ZNF385D: variants seen among roughly 807,000 people sequenced by gnomAD.
The protein encoded by ZNF385D is zinc finger protein 385D.
Under a neutral mutation model 35.8 loss-of-function variants are expected in ZNF385D, and 15 were observed. That is an observed-to-expected ratio of 0.42 (90% confidence interval 0.28 to 0.64). ZNF385D has a LOEUF of 0.64. Ranked by LOEUF, ZNF385D falls within the 30% of genes least tolerant of loss-of-function variation. The pLI, the probability that ZNF385D is intolerant of heterozygous loss-of-function variation, is 0.23. For missense variants in ZNF385D, 474 were observed against 494.6 expected, an observed-to-expected ratio of 0.96 and a Z score of 0.39; for synonymous variants, 212 against 186.8, an observed-to-expected ratio of 1.13 and a Z score of -1.10.
chr3:21,656,470 A>G (rs904601857), intron 2 of ZNF385D, among the ~76,000 whole-genome samples: 7 of 151,834 alleles, frequency 4.6e-5, no homozygotes, highest in Admixed American at 1.3e-4. Flanking sequence ...TTTTCCTTCA[A>G]TGCAAGTCTC....
intron 3 of ZNF385D, among the ~76,000 whole-genome samples, chr3:22,080,083 G>T (rs1272333178): frequency 2.6e-5 from 4 of 152,076 alleles, no homozygotes; most frequent in African/African-American, 9.7e-5. Context: ...AATGTTCAGG[G>T]ATCGTTTTAT....
At chr3:21,793,173 G>C (rs1026345406) in intron 3 of ZNF385D, among the ~76,000 whole-genome samples, 1 of 152,168 alleles carries the variant, frequency 6.6e-6, no homozygotes, top group African/African-American at 2.4e-5. Context: ...ATGAGGAGTT[G>C]AAAGAATAAA....
At chr3:21,895,358 C>T (rs142748615) in intron 3 of ZNF385D, among the ~76,000 whole-genome samples, 4 of 119,384 alleles carry the variant, frequency 3.4e-5, no homozygotes, top group Admixed American at 3.1e-4. Flanking sequence ...GACAGAGTCT[C>T]ACTCTGTCAC....
At chr3:22,033,907 T>A (rs6766614) in intron 3 of ZNF385D, among the ~76,000 whole-genome samples, 55,527 of 151,972 alleles carry the variant, frequency 0.37, 12,211 homozygotes, top group African/African-American at 0.62. Flanking sequence ...CTTCACCCAG[T>A]ACTTTCCTTG....
chr3:21,877,317 A>G (rs1049821920), intron 3 of ZNF385D, among the ~76,000 whole-genome samples: 4 of 152,066 alleles, frequency 2.6e-5, no homozygotes, highest in Admixed American at 6.6e-5. Context: ...GGGCCTCAAA[A>G]GCACAGTGGC....
chr3:22,167,748 C>T (rs1706430758), intron 3 of ZNF385D, among the ~76,000 whole-genome samples: 1 of 152,144 alleles, frequency 6.6e-6, no homozygotes, highest in South Asian at 2.1e-4. Context: ...TATCTTATGC[C>T]TATAGAATTT....
At chr3:22,269,992 C>T (rs536931950) in intron 2 of ZNF385D, among the ~76,000 whole-genome samples, 14 of 151,952 alleles carry the variant, frequency 9.2e-5, no homozygotes, top group Admixed American at 7.2e-4. Context: ...CTTTAATGTA[C>T]GTGTGATCAT....
At position 21,423,855 on chromosome 3, in the gene ZNF385D, G is replaced by T. The variant is rs546377480; in HGVS notation, c.954+108C>A. The T allele has an allele frequency of 1.3e-4, 128 of 992,600 alleles. 1 individual carries two copies. The East Asian group carries it at 3.6e-3, about 28-fold the overall frequency. The allele number at this position is 992,600 out of a possible 1,614,324, so 61.5% of individuals were successfully genotyped here. ...ATAAATCTGAACTCAACTCAAAAAG[G>T]TAAAAGGTACTGGGCTGTGGTTAAA... On this transcript the variant is annotated intron_variant, in intron 7 of 7. Transcript: ENST00000281523.
In ZNF385D at chr3:22,025,019, G is replaced by T. The variant is rs190800524; in HGVS notation, c.325+143798C>A. 2.8e-4 allele frequency among the ~76,000 whole-genome samples: 43 copies of T among 152,302 alleles called. No individual in the cohort carries two copies. In the East Asian group the frequency reaches 7.3e-3, roughly 26 times the overall value. On this transcript the variant is annotated intron_variant, in intron 3 of 5. Transcript: ENST00000494108. ...AGATGCGTGCGCAGCCTCACCAGGG[G>T]TCTACTGTTAAAGTGAGGGCATTGA... is the stretch of plus-strand genomic sequence containing the variant.
intron 3 of ZNF385D, among the ~76,000 whole-genome samples, chr3:21,553,056 G>C (rs2062619051): frequency 6.6e-6 from 1 of 152,102 alleles, no homozygotes; most frequent in Non-Finnish European, 1.5e-5. Flanking sequence ...TTTTGAAGAT[G>C]AAATGGGGTC....
At position 21,490,355 on chromosome 3, in the gene ZNF385D, C is replaced by T. The variant is rs138451662; in HGVS notation, c.439+20506G>A. The stretch of plus-strand genomic sequence containing the variant: ...TCTTCTTTTGCTCTTGCTGTTATTC[C>T]AATCCAAAAAAAAATTTTCAAATAA... On this transcript the variant is annotated intron_variant, in intron 4 of 7. Transcript: ENST00000281523. 2.8e-4 allele frequency among the ~76,000 whole-genome samples: 42 copies of T among 151,894 alleles called. No homozygotes were observed. In the East Asian group the frequency reaches 8.1e-3, roughly 29 times the overall value.
chr3:21,571,345 A>G (rs1009079297), intron 2 of ZNF385D, among the ~76,000 whole-genome samples: 22 of 152,160 alleles, frequency 1.4e-4, no homozygotes, highest in African/African-American at 4.8e-4. Flanking sequence ...ATTTTTGCCA[A>G]TTCTACTGTT....
intron 2 of ZNF385D, among the ~76,000 whole-genome samples, chr3:22,186,189 A>G (rs922890158): frequency 1.3e-5 from 2 of 152,180 alleles, no homozygotes; most frequent in Admixed American, 1.3e-4. Flanking sequence ...TCAAAATAAG[A>G]AAGGTCTCTG....
intron 2 of ZNF385D, among the ~76,000 whole-genome samples, chr3:22,307,386 G>C (rs960154628): frequency 3.3e-5 from 5 of 152,270 alleles, no homozygotes; most frequent in African/African-American, 1.2e-4. Context: ...AAGTTTAAGA[G>C]AGCCATTGGA....
intron 2 of ZNF385D, among the ~76,000 whole-genome samples, chr3:22,343,721 C>T (rs1695527081): frequency 6.6e-6 from 1 of 152,222 alleles, no homozygotes; most frequent in Non-Finnish European, 1.5e-5. Context: ...CTACTAAAGT[C>T]AGTTTTTAAT....
At chr3:22,331,528 GCATTTTT>G (rs1221759656) in intron 2 of ZNF385D, among the ~76,000 whole-genome samples, 1 of 152,034 alleles carries the variant, frequency 6.6e-6, no homozygotes, top group African/African-American at 2.4e-5. Flanking sequence ...GTAAAACACT[GCATTTTT>G]CATTAACACC....
At chr3:21,997,866 CGCGCGCGT>C (rs1416059390) in intron 3 of ZNF385D, among the ~76,000 whole-genome samples, 1,006 of 97,694 alleles carry the variant, frequency 0.01, 10 homozygotes, top group African/African-American at 0.027. Context: ...GGCGCGCGCG[CGCGCGCGT>C]GTGTGTGTGT....
chr3:21,865,045 CTTTTTTTTTTTTTTTTTTTT>C (rs3073907), intron 3 of ZNF385D, among the ~76,000 whole-genome samples: 1 of 21,186 alleles, frequency 4.7e-5, no homozygotes, highest in Non-Finnish European at 7.5e-5. Flanking sequence ...ACAGGGAAGA[CTTTTTTTTTTTTTTTTTTTT>C]TTTTTTTTTT....
intron 3 of ZNF385D, among the ~76,000 whole-genome samples, chr3:22,063,418 G>C (rs562643585): frequency 6.6e-6 from 1 of 152,108 alleles, no homozygotes; most frequent in African/African-American, 2.4e-5. Flanking sequence ...GTTTCTAAAA[G>C]TATCATGATA....
Sources: gnomAD v4.1 joint callset for allele counts (sites outside exome capture counted in the v4.1 genomes callset) on GRCh38, gnomAD v4.1.1 for gene constraint, MANE v1.5 for transcripts, NCBI Gene and HGNC (gene_info 2026-07-23, HGNC 2026-07-21) for gene names.